Variants in CDKAL1 observed in about 807,000 individuals in gnomAD.
CDKAL1 encodes the protein CDKAL1 threonylcarbamoyladenosine tRNA methylthiotransferase, also known as threonylcarbamoyladenosine tRNA methylthiotransferase.
A neutral mutation model predicts 68.2 loss-of-function variants in CDKAL1; 32 were observed. The observed-to-expected ratio is 0.47, with a 90% confidence interval of 0.35 to 0.63. CDKAL1 has a LOEUF of 0.63. CDKAL1 is among the 30% of genes least tolerant of loss of function. The pLI, the probability that CDKAL1 is intolerant of heterozygous loss-of-function variation, is 0.00. For synonymous variants in CDKAL1, 234 were observed against 244.3 expected (o/e 0.96, Z 0.39); for missense variants, 606 against 696.7 (o/e 0.87, Z 1.47).
In CDKAL1 at chr6:20,614,308, T is replaced by C. The variant is rs1445446976; in HGVS notation, c.287-34985T>C. ...TTTTACTCCAAGGTGATGATGGTAA[T>C]TCTCTGATTGTTTCTGCTGTTACTT... On this transcript the variant is annotated intron_variant, in intron 4 of 15. Coordinates refer to ENST00000274695, the MANE Select transcript of CDKAL1 (RefSeq NM_017774.3). 2.6e-5 allele frequency among the ~76,000 whole-genome samples: 4 copies of C among 152,220 alleles called. No individual in the cohort carries two copies. In the East Asian group the frequency reaches 7.7e-4, roughly 29 times the overall value.
At chr6:21,213,370 GATACTAATA>G (rs1486766512) in intron 15 of CDKAL1, among the ~76,000 whole-genome samples, 1 of 152,202 alleles carries the variant, frequency 6.6e-6, no homozygotes, top group Non-Finnish European at 1.5e-5. Context: ...GGTTGATCAA[GATACTAATA>G]ATATCTCGTT....
At chr6:20,592,780 A>G (rs1765649175) in intron 4 of CDKAL1, among the ~76,000 whole-genome samples, 1 of 152,138 alleles carries the variant, frequency 6.6e-6, no homozygotes, top group Admixed American at 6.5e-5. Context: ...GCTTTTGCCC[A>G]TTCAGTTTGG....
intron 12 of CDKAL1, among the ~76,000 whole-genome samples, chr6:21,074,249 T>G (rs1771946631): frequency 6.6e-6 from 1 of 152,220 alleles, no homozygotes; most frequent in African/African-American, 2.4e-5. Flanking sequence ...TTGGTGTTTC[T>G]TGGCCTGCAG....
chr6:21,113,683 G>T (rs111382083), intron 13 of CDKAL1, among the ~76,000 whole-genome samples: 37,303 of 151,018 alleles, frequency 0.25, 4,718 homozygotes, highest in South Asian at 0.35. Context: ...TGGCCAGGCC[G>T]GTCTCGAACT....
chr6:21,148,037 T>C (rs559992469), intron 13 of CDKAL1, among the ~76,000 whole-genome samples: 1 of 152,372 alleles, frequency 6.6e-6, no homozygotes, highest in East Asian at 1.9e-4. Flanking sequence ...TCCTTCCTCA[T>C]AGATGTCTGG....
chr6:21,068,447 T>C (rs898633657), intron 12 of CDKAL1, among the ~76,000 whole-genome samples: 1 of 152,182 alleles, frequency 6.6e-6, no homozygotes, highest in Non-Finnish European at 1.5e-5. Flanking sequence ...TTTTTTTGCC[T>C]CGGAAGCTAT....
chr6:21,004,483 G>T (rs1056182724), intron 11 of CDKAL1, among the ~76,000 whole-genome samples: 1 of 152,006 alleles, frequency 6.6e-6, no homozygotes, highest in Non-Finnish European at 1.5e-5. Context: ...AAAACAGCTG[G>T]CCATGAGCAA....
chr6:20,720,279 A>C (rs1479424733), intron 5 of CDKAL1, among the ~76,000 whole-genome samples: 1 of 152,204 alleles, frequency 6.6e-6, no homozygotes, highest in Non-Finnish European at 1.5e-5. Context: ...TCTTTAAAAA[A>C]AAATTTGCAC....
At chr6:20,882,790 C>A (rs951344692) in intron 9 of CDKAL1, among the ~76,000 whole-genome samples, 2 of 152,142 alleles carry the variant, frequency 1.3e-5, no homozygotes, top group African/African-American at 2.4e-5. Flanking sequence ...AGTGTCATTT[C>A]TGATTTTCCT....
intron 15 of CDKAL1, among the ~76,000 whole-genome samples, chr6:21,207,511 T>A (rs1346424334): frequency 6.6e-6 from 1 of 152,038 alleles, no homozygotes; most frequent in East Asian, 1.9e-4. Flanking sequence ...TGAAACCTTA[T>A]CTCAAGCAAA....
chr6:20,954,062 ATG>A (rs1244923439), intron 9 of CDKAL1, among the ~76,000 whole-genome samples: 3 of 152,128 alleles, frequency 2.0e-5, no homozygotes, highest in Non-Finnish European at 4.4e-5. Context: ...GAGGATGTGT[ATG>A]TCTCAGAAAG....
At chr6:21,213,625 T>C (rs1779240967) in intron 15 of CDKAL1, among the ~76,000 whole-genome samples, 1 of 152,240 alleles carries the variant, frequency 6.6e-6, no homozygotes, top group Admixed American at 6.5e-5. Context: ...AAAGCATCTA[T>C]GGTGTAAGAT....
intron 9 of CDKAL1, among the ~76,000 whole-genome samples, chr6:20,924,700 T>C (rs145907613): frequency 2.0e-5 from 3 of 152,170 alleles, no homozygotes; most frequent in Non-Finnish European, 4.4e-5. Flanking sequence ...CTAGCAGAGG[T>C]TGATTCATGA....
intron 9 of CDKAL1, among the ~76,000 whole-genome samples, chr6:20,935,627 G>A (rs1763668043): frequency 6.6e-6 from 1 of 151,814 alleles, no homozygotes; most frequent in African/African-American, 2.4e-5. Flanking sequence ...ACAGGGTTTT[G>A]CCATATTGGC....
intron 8 of CDKAL1, among the ~76,000 whole-genome samples, chr6:20,839,755 C>T (rs1296627058): frequency 6.6e-6 from 1 of 152,122 alleles, no homozygotes; most frequent in Non-Finnish European, 1.5e-5. Flanking sequence ...TTCTCGATTC[C>T]TGACTTCCAT....
intron 5 of CDKAL1, among the ~76,000 whole-genome samples, chr6:20,675,577 C>T (rs1221487261): frequency 6.6e-6 from 1 of 152,126 alleles, no homozygotes; most frequent in Non-Finnish European, 1.5e-5. Flanking sequence ...TATATCATAG[C>T]AATTGTAATG....
chr6:20,599,170 T>A (rs1765972379), intron 4 of CDKAL1, among the ~76,000 whole-genome samples: 1 of 152,004 alleles, frequency 6.6e-6, no homozygotes, highest in African/African-American at 2.4e-5. Context: ...TGCATATCCT[T>A]CCAGAGTTTA....
At chr6:21,199,576 G>A (rs932890724) in intron 14 of CDKAL1, among the ~76,000 whole-genome samples, 1 of 152,204 alleles carries the variant, frequency 6.6e-6, no homozygotes, top group African/African-American at 2.4e-5. Flanking sequence ...CATTTTAAAG[G>A]CAGTGGCATG....
chr6:21,205,815 GC>G (rs1277565192), intron 15 of CDKAL1, among the ~76,000 whole-genome samples: 1 of 132,826 alleles, frequency 7.5e-6, no homozygotes, highest in Non-Finnish European at 1.6e-5. Context: ...ACATGCGTGA[GC>G]CCCCGCGCCC....
Sources: allele counts gnomAD v4.1 joint callset (sites outside exome capture counted in the v4.1 genomes callset), GRCh38; gene constraint gnomAD v4.1.1; transcripts MANE v1.5; gene names NCBI Gene and HGNC (gene_info 2026-07-23, HGNC 2026-07-21).